The following PAX2 variants were observed in gnomAD, a reference collection of about 807,000 sequenced individuals.
PAX2 encodes the protein paired box 2.
Under a neutral mutation model 41.7 loss-of-function variants are expected in PAX2, and 9 were observed. The ratio of observed to expected loss-of-function variants is 0.22; its 90% CI spans 0.13 to 0.38. The LOEUF is 0.38. Among genes scored for constraint, PAX2 ranks in the 10% least tolerant of loss-of-function variants. PAX2 has a pLI of 1.00. For missense variants in PAX2, 418 were observed against 531.6 expected (o/e 0.79, Z 2.10); for synonymous variants, 221 against 212.7 (o/e 1.04, Z -0.34).
intron 3 of PAX2, among the ~76,000 whole-genome samples, chr10:100,772,234 C>G (rs1846241386): frequency 6.6e-6 from 1 of 152,138 alleles, no homozygotes; most frequent in South Asian, 2.1e-4. Flanking sequence ...TTCCACTTCA[C>G]CACTGCAATC....
intron 5 of PAX2, among the ~76,000 whole-genome samples, chr10:100,784,692 T>C (rs1462073693): frequency 6.6e-6 from 1 of 152,244 alleles, no homozygotes; most frequent in Non-Finnish European, 1.5e-5. Context: ...ACAGTGATAA[T>C]GCCCAGAACA....
intron 3 of PAX2, among the ~76,000 whole-genome samples, chr10:100,771,959 A>AC (rs1182198708): frequency 6.6e-6 from 1 of 152,096 alleles, no homozygotes; most frequent in Non-Finnish European, 1.5e-5. Flanking sequence ...GGCATCCGCC[A>AC]CCATGCCCGG....
intron 5 of PAX2, among the ~76,000 whole-genome samples, chr10:100,793,208 G>A (rs1384795846): frequency 1.3e-5 from 2 of 152,214 alleles, no homozygotes; most frequent in African/African-American, 4.8e-5. Flanking sequence ...AAGGGCTAGG[G>A]TCCCAGGAGC....
At chr10:100,767,115 C>G (rs766644432) in intron 3 of PAX2, among the ~76,000 whole-genome samples, 1 of 152,198 alleles carries the variant, frequency 6.6e-6, no homozygotes, top group Non-Finnish European at 1.5e-5. Flanking sequence ...CAACACAGTT[C>G]AAACTCTGTA....
At chr10:100,773,955 T>A (rs1846299449) in intron 3 of PAX2, among the ~76,000 whole-genome samples, 1 of 151,766 alleles carries the variant, frequency 6.6e-6, no homozygotes, top group Non-Finnish European at 1.5e-5. Flanking sequence ...ATCAATAAAC[T>A]CACATAGCCA....
chr10:100,745,518 G>A (rs917484820), upstream of PAX2, among the ~76,000 whole-genome samples: 47 of 151,980 alleles, frequency 3.1e-4, no homozygotes, highest in Non-Finnish European at 8.8e-5. Flanking sequence ...GCGCGGGGAG[G>A]GGGAGGAGGT....
chr10:100,762,187 G>A (rs2133860531), intron 3 of PAX2, among the ~76,000 whole-genome samples: 1 of 147,592 alleles, frequency 6.8e-6, no homozygotes, highest in Non-Finnish European at 1.5e-5. Flanking sequence ...AACAGAGTGA[G>A]GCCCATCTCT....
upstream of PAX2, among the ~76,000 whole-genome samples, chr10:100,742,846 T>A (rs1845016920): frequency 4.2e-5 from 1 of 23,916 alleles, no homozygotes; most frequent in African/African-American, 4.1e-4. Flanking sequence ...TTTCTTCCTT[T>A]TTTTTTTTTT....
Position 100,748,681 on chromosome 10 carries a change from G to A in PAX2, c.44-1065G>A, listed in dbSNP as rs1215107343. ...AGCACCCTCAGGCCTGGCACCCAGT[G>A]GCCGCCTCGGTTCCGAGATCGGGAG... On this transcript the variant is annotated intron_variant, in intron 1 of 9. Coordinates refer to ENST00000355243, the MANE Select transcript of PAX2 (RefSeq NM_000278.5). This position sits in a 1 kb window ranked among gnomAD's most constrained non-coding sequence, Gnocchi z 5.0. 1 of 985,340 alleles carries A rather than the reference G, an allele frequency of 1.0e-6. No homozygotes were observed. Among genetic ancestry groups the A allele is most frequent in the East Asian group, 1.1e-4 (1 of 8,834 alleles). The allele number at this position is 985,340 out of a possible 1,614,324, so 61.0% of individuals were successfully genotyped here. A position where few individuals can be genotyped will look rare whatever the true frequency, so the allele number is the denominator to read the frequency against.
intron 7 of PAX2, among the ~76,000 whole-genome samples, chr10:100,819,074 C>G (rs1174683521): frequency 6.6e-6 from 1 of 151,944 alleles, no homozygotes; most frequent in Non-Finnish European, 1.5e-5. Context: ...TGGCAAAACC[C>G]TGTCTCTACT....
chr10:100,811,802 C>CGAGGTG (rs928008855), intron 7 of PAX2, among the ~76,000 whole-genome samples: 17 of 152,114 alleles, frequency 1.1e-4, no homozygotes, highest in African/African-American at 4.1e-4. Context: ...TTAGGAGTGC[C>CGAGGTG]GAGGTGTTCA....
intron 7 of PAX2, among the ~76,000 whole-genome samples, chr10:100,821,588 T>C (rs2133979430): frequency 6.6e-6 from 1 of 152,342 alleles, no homozygotes; most frequent in East Asian, 1.9e-4. Flanking sequence ...AGTTGCCATT[T>C]TGCAAGACAG....
At chr10:100,771,711 T>C (rs968473649) in intron 3 of PAX2, among the ~76,000 whole-genome samples, 4 of 152,198 alleles carry the variant, frequency 2.6e-5, no homozygotes, top group Middle Eastern at 3.2e-3. Flanking sequence ...GGCCAAGCCA[T>C]GGATACGTGC....
At position 100,829,670 on chromosome 10, in the gene PAX2, C is replaced by T. The variant is rs1207498733; in HGVS notation, c.*2051C>T. 5.9e-5 allele frequency: 12 copies of T among 204,182 alleles called. No individual in the cohort carries two copies. The highest frequency in any genetic ancestry group is 1.2e-4 in the Non-Finnish European group (12 of 99,070). 12.6% of individuals were successfully genotyped at this position (204,182 alleles called of 1,614,324 possible). A position where few individuals can be genotyped will look rare whatever the true frequency, so the allele number is the denominator to read the frequency against. On this transcript the variant is annotated 3_prime_UTR_variant, in exon 10 of 10. Transcript: ENST00000355243. ...GAGAAGGAAAAAGAGAAAAGAGAAT[C>T]GTTTAAGGGAACCCGGCGCCCAGCC...
At position 100,750,874 on chromosome 10, in the gene PAX2, C is replaced by T. The variant is rs894114496; in HGVS notation, c.393C>T (p.Ser131=). 1.9e-6 allele frequency: 3 copies of T among 1,613,808 alleles called. No individual in the cohort carries two copies. Among genetic ancestry groups the T allele is most frequent in the South Asian group, 1.1e-5 (1 of 91,076 alleles). The change falls in exon 3 of 10, where the codon AGC becomes AGT. Residue 131 remains serine, a synonymous_variant. Coordinates refer to ENST00000355243, the MANE Select transcript of PAX2 (RefSeq NM_000278.5). This position sits in a 1 kb window ranked among gnomAD's most constrained non-coding sequence, Gnocchi z 4.1. ...TCTGTGACAATGACACAGTGCCCAG[C>T]GTCTCTTCCATCAACAGGTGAGCAA... ...EGICDNDTVP[S]VSSINRIIRT...
In PAX2 at chr10:100,763,529, T is replaced by C. The variant is rs1369560977; in HGVS notation, c.410+12638T>C. Among the ~76,000 whole-genome samples the C allele has an allele frequency of 2.0e-5, 3 of 152,158 alleles. No individual in the cohort carries two copies. In the East Asian group the frequency reaches 5.8e-4, roughly 29 times the overall value. On this transcript the variant is annotated intron_variant, in intron 3 of 9. Transcript: ENST00000355243. Reference sequence around the variant, plus strand: ...ATGGAGATCTGGTGGTTAGAGTAGTTAGTATTGGAACGAGCACAGCTGGTG... The same window carrying C: ...ATGGAGATCTGGTGGTTAGAGTAGTCAGTATTGGAACGAGCACAGCTGGTG...
rs974777639 is a variant in PAX2 at position 100,828,878 on chromosome 10, T to C, written c.*1259T>C. The C allele has an allele frequency of 4.3e-6, 1 of 231,354 alleles. No individual in the cohort carries two copies. The highest frequency in any genetic ancestry group is 8.6e-6 in the Non-Finnish European group (1 of 116,486). The allele number at this position is 231,354 out of a possible 1,614,324, so 14.3% of individuals were successfully genotyped here. A position where few individuals can be genotyped will look rare whatever the true frequency, so the allele number is the denominator to read the frequency against. ...CTGCTTTGTGGAAAGACGGTGTGTGTCGTGTGAAGGCGAAACCCGGTGTAC... is the reference window on the plus strand; with the variant it reads ...CTGCTTTGTGGAAAGACGGTGTGTGCCGTGTGAAGGCGAAACCCGGTGTAC... On this transcript the variant is annotated 3_prime_UTR_variant, in exon 10 of 10. Transcript: ENST00000355243. This position sits in a 1 kb window ranked among gnomAD's most constrained non-coding sequence, Gnocchi z 6.5.
chr10:100,785,248 G>A (rs1846799125), intron 5 of PAX2, among the ~76,000 whole-genome samples: 1 of 152,192 alleles, frequency 6.6e-6, no homozygotes, highest in African/African-American at 2.4e-5. Flanking sequence ...TTACCCAGTT[G>A]CTTTCGGCTG....
chr10:100,775,847 C>G (rs1464398881), intron 3 of PAX2, among the ~76,000 whole-genome samples: 3 of 152,216 alleles, frequency 2.0e-5, no homozygotes, highest in Non-Finnish European at 4.4e-5. Flanking sequence ...ACTATCCAAT[C>G]TTTTCCATTG....
Sources: gnomAD v4.1 joint callset for allele counts (sites outside exome capture counted in the v4.1 genomes callset) on GRCh38, gnomAD v4.1.1 for gene constraint, Gnocchi (gnomAD v3.1) non-coding constraint, MANE v1.5 for transcripts, NCBI Gene and HGNC (gene_info 2026-07-23, HGNC 2026-07-21) for gene names.